The following FRAS1 variants were observed in gnomAD, a reference collection of about 807,000 sequenced individuals.
FRAS1 encodes the protein extracellular matrix organizing protein FRAS1.
Under a neutral mutation model 435.2 loss-of-function variants are expected in FRAS1, and 290 were observed. The ratio of observed to expected loss-of-function variants is 0.67; its 90% CI spans 0.61 to 0.73. FRAS1 has a LOEUF of 0.73. Ranked by LOEUF, FRAS1 falls within the 30% of genes least tolerant of loss-of-function variation. The pLI, the probability that FRAS1 is intolerant of heterozygous loss-of-function variation, is 0.00. For missense variants in FRAS1, 4,860 were observed against 5,001.5 expected (o/e 0.97, Z 0.85); for synonymous variants, 1,800 against 1,851.0 (o/e 0.97, Z 0.71).
intron 41 of FRAS1, among the ~76,000 whole-genome samples, chr4:78,441,605 A>C (rs76871267): frequency 0.026 from 3,945 of 150,996 alleles, 172 homozygotes; most frequent in African/African-American, 0.091. Context: ...GAGAAGATTG[A>C]GTACGATGTT....
chr4:78,355,195 G>A (rs942962571), intron 20 of FRAS1, among the ~76,000 whole-genome samples: 1 of 151,824 alleles, frequency 6.6e-6, no homozygotes, highest in South Asian at 2.1e-4. Flanking sequence ...CTCCATTTTC[G>A]GGCTACCTTG....
intron 12 of FRAS1, among the ~76,000 whole-genome samples, chr4:78,283,506 C>T (rs1427657206): frequency 1.3e-5 from 2 of 152,162 alleles, no homozygotes; most frequent in Non-Finnish European, 2.9e-5. Flanking sequence ...GAATTAGTTC[C>T]AGTTAATAAT....
chr4:78,457,920 G>C (rs931728459), intron 47 of FRAS1, among the ~76,000 whole-genome samples: 1 of 152,208 alleles, frequency 6.6e-6, no homozygotes, highest in Non-Finnish European at 1.5e-5. Flanking sequence ...AAAGTTCTCA[G>C]GGAAGTGGAC....
chr4:78,242,880 A>G (rs922018748), intron 3 of FRAS1, among the ~76,000 whole-genome samples: 5 of 152,238 alleles, frequency 3.3e-5, no homozygotes, highest in Non-Finnish European at 5.9e-5. Flanking sequence ...TATCCATTCT[A>G]TAATCACAGG....
At chr4:78,060,179 T>C (rs1739693116) in intron 1 of FRAS1, among the ~76,000 whole-genome samples, 3 of 152,182 alleles carry the variant, frequency 2.0e-5, no homozygotes, top group African/African-American at 7.2e-5. Flanking sequence ...TTAAGTGATA[T>C]CACTCCCACA....
At chr4:78,135,195 A>G (rs1719870739) in intron 2 of FRAS1, among the ~76,000 whole-genome samples, 1 of 152,146 alleles carries the variant, frequency 6.6e-6, no homozygotes, top group Non-Finnish European at 1.5e-5. Flanking sequence ...CTGAAGTAGT[A>G]TTTATTTCTA....
intron 2 of FRAS1, among the ~76,000 whole-genome samples, chr4:78,145,013 T>C (rs1358418116): frequency 6.6e-6 from 1 of 152,218 alleles, no homozygotes; most frequent in East Asian, 1.9e-4. Context: ...GAAACAATAT[T>C]CATTTCTAAT....
intron 29 of FRAS1, 116 bp from the exon 30 acceptor site, chr4:78,400,616 ATC>A (rs61509544): frequency 2.2e-6 from 2 of 911,420 alleles, no homozygotes; most frequent in Non-Finnish European, 1.6e-6. Context: ...GAAGCTGTGA[ATC>A]TCTCTGTCTT....
chr4:78,233,643 C>T (rs1724607120), intron 2 of FRAS1, among the ~76,000 whole-genome samples: 1 of 152,174 alleles, frequency 6.6e-6, no homozygotes, highest in African/African-American at 2.4e-5. Context: ...TACAGCATCT[C>T]CTTTGATGCT....
intron 2 of FRAS1, among the ~76,000 whole-genome samples, chr4:78,177,429 A>G (rs1349533518): frequency 6.6e-6 from 1 of 152,182 alleles, no homozygotes; most frequent in Non-Finnish European, 1.5e-5. Context: ...ATGGTGGAGT[A>G]TGGCCATGGG....
intron 2 of FRAS1, among the ~76,000 whole-genome samples, chr4:78,171,494 C>G (rs1344299024): frequency 1.3e-5 from 2 of 152,140 alleles, no homozygotes; most frequent in Non-Finnish European, 2.9e-5. Flanking sequence ...CTTTTTCATG[C>G]AACAAAACAT....
At chr4:78,103,980 T>C (rs191570916) in intron 2 of FRAS1, among the ~76,000 whole-genome samples, 2 of 152,318 alleles carry the variant, frequency 1.3e-5, no homozygotes, top group African/African-American at 4.8e-5. Flanking sequence ...CTGCACTCAG[T>C]GTTTATTGGG....
chr4:78,249,548 C>A (rs6533551), intron 4 of FRAS1, among the ~76,000 whole-genome samples: 39,691 of 151,762 alleles, frequency 0.26, 5,577 homozygotes, highest in Non-Finnish European at 0.31. Flanking sequence ...GTCTTGAACT[C>A]CTGACCTCAA....
At chr4:78,502,616 T>A (rs1252411439) in intron 61 of FRAS1, among the ~76,000 whole-genome samples, 1 of 152,230 alleles carries the variant, frequency 6.6e-6, no homozygotes, top group Admixed American at 6.5e-5. Flanking sequence ...GATTTTGGGC[T>A]GAGATGATGG....
rs1024995181 is a variant in FRAS1, at chr4:78,369,225, G to A, written c.2723-613G>A. Among the ~76,000 whole-genome samples, 74 of 152,206 alleles carry A rather than the reference G, an allele frequency of 4.9e-4. 1 individual carries two copies. The highest frequency in any genetic ancestry group is 2.9e-4 in the Non-Finnish European group (20 of 68,034). On this transcript the variant is annotated intron_variant, in intron 22 of 73. Coordinates refer to ENST00000512123, the MANE Select transcript of FRAS1 (RefSeq NM_025074.7). The stretch of plus-strand genomic sequence containing the variant: ...GAGAGGTGTCAAGATAGACTTGGAG[G>A]TTTCTGGCATGAACAACTGTGTAGA...
intron 58 of FRAS1, among the ~76,000 whole-genome samples, 161 bp downstream of exon 58, chr4:78,482,696 G>T (rs1227697846): frequency 6.6e-6 from 1 of 152,210 alleles, no homozygotes; most frequent in Non-Finnish European, 1.5e-5. Flanking sequence ...AGCAGAGTAT[G>T]TAGATGTGAG....
intron 2 of FRAS1, chr4:78,071,777 A>G (rs971784332): frequency 1.3e-5 from 2 of 151,352 alleles, no homozygotes; most frequent in African/African-American, 4.9e-5. Context: ...AGTGGCTACT[A>G]TATTGGACAG....
At chr4:78,064,042 T>TA (rs1739878427) in intron 1 of FRAS1, among the ~76,000 whole-genome samples, 1 of 151,858 alleles carries the variant, frequency 6.6e-6, no homozygotes, top group Non-Finnish European at 1.5e-5. Context: ...ATCACACACA[T>TA]ACATATGTAC....
chr4:78,339,634 A>G (rs932435088), intron 20 of FRAS1, among the ~76,000 whole-genome samples: 1 of 152,250 alleles, frequency 6.6e-6, no homozygotes, highest in Non-Finnish European at 1.5e-5. Flanking sequence ...CCCAGCAGGT[A>G]TAGCACGTGG....
Sources: gnomAD v4.1 joint callset for allele counts (sites outside exome capture counted in the v4.1 genomes callset) on GRCh38, gnomAD v4.1.1 for gene constraint, MANE v1.5 for transcripts, NCBI Gene and HGNC (gene_info 2026-07-23, HGNC 2026-07-21) for gene names.